CNTNAP2: variants seen among roughly 807,000 people sequenced by gnomAD.
CNTNAP2 encodes contactin-associated protein-like 2.
Under a neutral mutation model 155.2 loss-of-function variants are expected in CNTNAP2, and 98 were observed. The ratio of observed to expected loss-of-function variants is 0.63; its 90% CI spans 0.54 to 0.75. CNTNAP2 has a LOEUF of 0.75. Ranked by LOEUF, CNTNAP2 falls within the 30% of genes least tolerant of loss-of-function variation. The pLI is 0.00. For synonymous variants in CNTNAP2, 651 were observed against 631.2 expected, an observed-to-expected ratio of 1.03 and a Z score of -0.47; for missense variants, 1,727 against 1,688.1, an observed-to-expected ratio of 1.02 and a Z score of -0.40.
At chr7:147,674,518 T>G (rs888706827) in intron 13 of CNTNAP2, among the ~76,000 whole-genome samples, 1 of 152,140 alleles carries the variant, frequency 6.6e-6, no homozygotes, top group Non-Finnish European at 1.5e-5. Context: ...AATGAGCGTA[T>G]AAAAATACAA....
At chr7:146,912,562 A>G (rs2129217511) in intron 3 of CNTNAP2, among the ~76,000 whole-genome samples, 1 of 152,226 alleles carries the variant, frequency 6.6e-6, no homozygotes, top group Middle Eastern at 3.4e-3. Flanking sequence ...TGAAATCATC[A>G]ATTTATATTC....
intron 3 of CNTNAP2, among the ~76,000 whole-genome samples, chr7:146,925,895 T>C (rs551623268): frequency 6.6e-6 from 1 of 152,256 alleles, no homozygotes; most frequent in East Asian, 1.9e-4. Flanking sequence ...AAGGTTAAGG[T>C]GACAATCCAG....
chr7:147,925,067 C>T (rs1345592487), intron 14 of CNTNAP2, among the ~76,000 whole-genome samples: 1 of 150,706 alleles, frequency 6.6e-6, no homozygotes. Flanking sequence ...TGCAGTGAGC[C>T]AAGATCATGC....
chr7:148,247,029 C>A (rs561724963), intron 20 of CNTNAP2, among the ~76,000 whole-genome samples: 2 of 152,306 alleles, frequency 1.3e-5, no homozygotes, highest in African/African-American at 4.8e-5. Context: ...CATTAATATC[C>A]TTTTCTCCCT....
chr7:147,595,981 T>C (rs1293343035), intron 12 of CNTNAP2, among the ~76,000 whole-genome samples: 2 of 152,234 alleles, frequency 1.3e-5, no homozygotes, highest in Non-Finnish European at 2.9e-5. Context: ...TTTTTGTTTT[T>C]TTTGGCAGTC....
chr7:148,279,620 C>T lies in CNTNAP2; in HGVS notation c.3475+12494C>T, dbSNP rs148144710. 5.3e-3 allele frequency among the ~76,000 whole-genome samples: 805 copies of T among 152,306 alleles called. 4 individuals are homozygous for T. Among genetic ancestry groups the T allele is most frequent in the African/African-American group, 0.017 (708 of 41,568 alleles). On this transcript the variant is annotated intron_variant, in intron 21 of 23. Transcript: ENST00000361727. ...CAGAAACCGAACACCACCTGTAACA[C>T]GGCCTTTTCCTGTCTTTATCTCCCA... is the stretch of plus-strand genomic sequence containing the variant.
chr7:147,792,126 T>C (rs1489728555), intron 13 of CNTNAP2, among the ~76,000 whole-genome samples: 2 of 152,196 alleles, frequency 1.3e-5, no homozygotes, highest in African/African-American at 4.8e-5. Flanking sequence ...TCAGAATCTT[T>C]CTCCACGTAT....
At chr7:147,132,696 G>A (rs915521169) in intron 8 of CNTNAP2, among the ~76,000 whole-genome samples, 187 bp downstream of exon 8, 3 of 152,102 alleles carry the variant, frequency 2.0e-5, no homozygotes, top group Admixed American at 6.6e-5. Flanking sequence ...TGTTGAGAGA[G>A]CAAGGCATGG....
intron 4 of CNTNAP2, among the ~76,000 whole-genome samples, chr7:147,049,289 A>C (rs1390002445): frequency 6.6e-6 from 1 of 152,222 alleles, no homozygotes. Flanking sequence ...TGAAAATTAC[A>C]CTTATCTCTT....
intron 7 of CNTNAP2, among the ~76,000 whole-genome samples, chr7:147,129,540 T>C (rs1268335296): frequency 6.6e-6 from 1 of 152,198 alleles, no homozygotes; most frequent in Non-Finnish European, 1.5e-5. Flanking sequence ...AATTTTAGTA[T>C]GAGAGTTCCC....
At chr7:147,470,135 T>TA (rs1327602127) in intron 10 of CNTNAP2, among the ~76,000 whole-genome samples, 1 of 152,142 alleles carries the variant, frequency 6.6e-6, no homozygotes, top group East Asian at 1.9e-4. Context: ...AAACAAGACT[T>TA]AGACTTTTAA....
chr7:147,079,589 TATAATA>T (rs905700592), intron 4 of CNTNAP2, among the ~76,000 whole-genome samples: 2 of 149,006 alleles, frequency 1.3e-5, no homozygotes, highest in South Asian at 4.2e-4. Flanking sequence ...AAACTTAAAG[TATAATA>T]ATAATAATAA....
intron 15 of CNTNAP2, among the ~76,000 whole-genome samples, chr7:148,079,233 G>A (rs1464542865): frequency 3.9e-5 from 6 of 152,174 alleles, no homozygotes; most frequent in Non-Finnish European, 8.8e-5. Context: ...CATTTTAGGG[G>A]GACATAAGAC....
At chr7:146,400,025 A>AG (rs1795691060) in intron 1 of CNTNAP2, among the ~76,000 whole-genome samples, 1 of 152,138 alleles carries the variant, frequency 6.6e-6, no homozygotes, top group East Asian at 1.9e-4. Context: ...AAAGTCTAGA[A>AG]GAAAAAGTCC....
intron 16 of CNTNAP2, among the ~76,000 whole-genome samples, chr7:148,122,277 G>C (rs1804613850): frequency 6.6e-6 from 1 of 152,152 alleles, no homozygotes; most frequent in African/African-American, 2.4e-5. Flanking sequence ...TAACCTTAAA[G>C]CACACTGCCT....
chr7:147,802,594 C>G (rs1217236565), intron 13 of CNTNAP2, among the ~76,000 whole-genome samples: 9 of 152,130 alleles, frequency 5.9e-5, no homozygotes, highest in African/African-American at 2.2e-4. Flanking sequence ...GCCAACACAG[C>G]GAAACCCCGT....
chr7:146,780,399 C>T (rs1802464748), intron 2 of CNTNAP2, among the ~76,000 whole-genome samples: 1 of 151,998 alleles, frequency 6.6e-6, no homozygotes, highest in Admixed American at 6.6e-5. Context: ...CCATGTTAGC[C>T]AGGATCGTCT....
At chr7:148,084,280 G>T (rs537145537) in intron 15 of CNTNAP2, among the ~76,000 whole-genome samples, 1 of 152,330 alleles carries the variant, frequency 6.6e-6, no homozygotes, top group African/African-American at 2.4e-5. Flanking sequence ...CAGAGGCTTT[G>T]GTGGTGCTAG....
intron 3 of CNTNAP2, among the ~76,000 whole-genome samples, chr7:146,969,700 G>A (rs1269784257): frequency 2.0e-5 from 3 of 151,712 alleles, no homozygotes; most frequent in African/African-American, 7.3e-5. Flanking sequence ...TTGAGCCTAT[G>A]TGTGTTTACT....
Sources: allele counts gnomAD v4.1 joint callset (sites outside exome capture counted in the v4.1 genomes callset), GRCh38; gene constraint gnomAD v4.1.1; transcripts MANE v1.5; gene names NCBI Gene and HGNC (gene_info 2026-07-23, HGNC 2026-07-21).